Variants in TENM2 observed in about 807,000 individuals in gnomAD.
TENM2 encodes the protein teneurin transmembrane protein 2.
Under a neutral mutation model 245.2 loss-of-function variants are expected in TENM2, and 52 were observed. The observed-to-expected ratio is 0.21, with a 90% CI of 0.17 to 0.27. TENM2 has a LOEUF of 0.27. Among genes scored for constraint, TENM2 ranks in the 10% least tolerant of loss-of-function variants. The pLI is 1.00. For missense variants in TENM2, 3,046 were observed against 3,666.8 expected, an observed-to-expected ratio of 0.83 and a Z score of 4.37; for synonymous variants, 1,363 against 1,438.9, an observed-to-expected ratio of 0.95 and a Z score of 1.19.
At chr5:168,178,927 G>C (rs1334917704) in intron 13 of TENM2, among the ~76,000 whole-genome samples, 1 of 152,098 alleles carries the variant, frequency 6.6e-6, no homozygotes, top group African/African-American at 2.4e-5. Context: ...TTGAGATCAG[G>C]AGTTCAAGAC....
At chr5:167,650,934 A>G (rs1288585809) in intron 2 of TENM2, among the ~76,000 whole-genome samples, 1 of 152,146 alleles carries the variant, frequency 6.6e-6, no homozygotes, top group South Asian at 2.1e-4. Context: ...GGAAGTAAAA[A>G]CTAAATTCTG....
At chr5:167,125,134 A>T in the TENM2 span, among the ~76,000 whole-genome samples, 1 of 152,194 alleles carries the variant, frequency 6.6e-6, no homozygotes, top group African/African-American at 2.4e-5. Context: ...CCCTTGAATG[A>T]TTCTGATGTG....
At chr5:168,087,620 A>G (rs1209890145) in intron 7 of TENM2, among the ~76,000 whole-genome samples, 2 of 151,714 alleles carry the variant, frequency 1.3e-5, no homozygotes, top group African/African-American at 4.9e-5. Context: ...AAAAAAAAAA[A>G]AAGAAAGAAA....
intron 1 of TENM2, among the ~76,000 whole-genome samples, chr5:167,362,912 C>T (rs774564043): frequency 5.3e-5 from 8 of 151,940 alleles, no homozygotes; most frequent in Non-Finnish European, 8.8e-5. Flanking sequence ...TAATATCGAT[C>T]GACTTATTGG....
At chr5:167,309,509 A>G (rs1001253669) in intron 1 of TENM2, among the ~76,000 whole-genome samples, 7 of 152,328 alleles carry the variant, frequency 4.6e-5, no homozygotes, top group East Asian at 1.9e-4. Flanking sequence ...TCAAACCAAG[A>G]TGAACCCCTC....
intron 2 of TENM2, among the ~76,000 whole-genome samples, chr5:167,624,256 A>G (rs1399954703): frequency 2.0e-5 from 3 of 152,188 alleles, no homozygotes; most frequent in Non-Finnish European, 2.9e-5. Flanking sequence ...GAACAAAATT[A>G]TGCCTTTTGC....
chr5:167,323,532 A>T (rs1756896600), intron 1 of TENM2, among the ~76,000 whole-genome samples: 1 of 151,934 alleles, frequency 6.6e-6, no homozygotes, highest in Non-Finnish European at 1.5e-5. Context: ...TTTTTGTTAT[A>T]TTTTTTTCCT....
At chr5:167,844,815 G>A (rs991174879) in intron 2 of TENM2, among the ~76,000 whole-genome samples, 17 of 141,894 alleles carry the variant, frequency 1.2e-4, no homozygotes, top group Non-Finnish European at 1.7e-4. Context: ...TTTCAGGTAT[G>A]TAAATTTTAT....
At chr5:167,097,101 C>T in the TENM2 span, among the ~76,000 whole-genome samples, 3 of 152,194 alleles carry the variant, frequency 2.0e-5, no homozygotes, top group East Asian at 1.9e-4. Context: ...TTTCTTTCCC[C>T]GCCCGAGAGA....
chr5:168,079,223 T>A (rs1791753914), intron 7 of TENM2, among the ~76,000 whole-genome samples: 1 of 152,216 alleles, frequency 6.6e-6, no homozygotes, highest in Non-Finnish European at 1.5e-5. Context: ...ATGATTTGGC[T>A]CTCTGTTTGT....
chr5:166,994,836 G>A, the TENM2 span, among the ~76,000 whole-genome samples: 3 of 152,200 alleles, frequency 2.0e-5, no homozygotes, highest in East Asian at 5.8e-4. Flanking sequence ...TCTTCACCTC[G>A]AGGTCTACGT....
At chr5:167,807,628 A>ATTTT (rs1491566051) in intron 2 of TENM2, among the ~76,000 whole-genome samples, 2,215 of 35,296 alleles carry the variant, frequency 0.063, 30 homozygotes, top group Middle Eastern at 0.15. Context: ...TTTTTTTAAA[A>ATTTT]AAAAAAAAAA....
At chr5:167,012,503 A>G in the TENM2 span, among the ~76,000 whole-genome samples, 1 of 151,710 alleles carries the variant, frequency 6.6e-6, no homozygotes, top group Non-Finnish European at 1.5e-5. Context: ...GAGCCGGGAA[A>G]GTGGTTTATT....
chr5:167,349,872 C>T (rs540557714), intron 1 of TENM2, among the ~76,000 whole-genome samples: 6 of 152,026 alleles, frequency 3.9e-5, no homozygotes, highest in African/African-American at 1.5e-4. Context: ...TATTGAAAGA[C>T]AATATTGCCT....
At chr5:167,573,087 A>G (rs1464834666) in intron 2 of TENM2, among the ~76,000 whole-genome samples, 1 of 151,420 alleles carries the variant, frequency 6.6e-6, no homozygotes, top group Non-Finnish European at 1.5e-5. Flanking sequence ...TTTTTTCTTT[A>G]AGACAATTAT....
At chr5:167,219,676 T>G in the TENM2 span, among the ~76,000 whole-genome samples, 1 of 152,362 alleles carries the variant, frequency 6.6e-6, no homozygotes, top group Admixed American at 6.5e-5. Context: ...ATGAGTGAAT[T>G]TAGTTTAAAG....
intron 9 of TENM2, among the ~76,000 whole-genome samples, chr5:168,103,560 G>A (rs539049488): frequency 9.2e-5 from 14 of 151,888 alleles, no homozygotes; most frequent in African/African-American, 1.7e-4. Context: ...AGTGTCTCTC[G>A]GTATGGGTCT....
intron 20 of TENM2, among the ~76,000 whole-genome samples, chr5:168,212,009 G>A (rs1399956327): frequency 1.3e-5 from 2 of 152,146 alleles, no homozygotes; most frequent in Non-Finnish European, 2.9e-5. Flanking sequence ...TGAACCCTCA[G>A]CGAACTTCTA....
In TENM2 at chr5:167,398,652, C is replaced by T. The variant is rs180764871; in HGVS notation, c.502+23179C>T. On this transcript the variant is annotated intron_variant, in intron 2 of 28. Coordinates refer to ENST00000518659, the Ensembl canonical transcript of TENM2. Reference sequence around the variant, plus strand: ...ATAGGGTTTCACCCTGTTGGCCAGGCTGGTCTCGAACTCCTGACCTCAAGT... The same window carrying T: ...ATAGGGTTTCACCCTGTTGGCCAGGTTGGTCTCGAACTCCTGACCTCAAGT... Among the ~76,000 whole-genome samples, 27 of 152,160 alleles carry T rather than the reference C, an allele frequency of 1.8e-4. No individual in the cohort carries two copies. In the East Asian group the frequency reaches 5.1e-3, roughly 29 times the overall value.
Sources: gnomAD v4.1 joint callset for allele counts (sites outside exome capture counted in the v4.1 genomes callset) on GRCh38, gnomAD v4.1.1 for gene constraint, MANE v1.5 for transcripts, NCBI Gene and HGNC (gene_info 2026-07-23, HGNC 2026-07-21) for gene names.